The following PRKG1 variants were observed in gnomAD, a reference collection of about 807,000 sequenced individuals.
PRKG1 encodes cGMP-dependent protein kinase 1.
In PRKG1, 35 loss-of-function variants were observed where a neutral mutation model predicts 88.1. The observed-to-expected ratio is 0.40, with a 90% CI of 0.30 to 0.53. The LOEUF is 0.53. Among genes scored for constraint, PRKG1 ranks in the 20% least tolerant of loss-of-function variants. The pLI, the probability that PRKG1 is intolerant of heterozygous loss-of-function variation, is 0.59. For missense variants in PRKG1, 540 were observed against 839.8 expected (o/e 0.64, Z 4.41); for synonymous variants, 303 against 292.5 (o/e 1.04, Z -0.37).
At chr10:52,096,785 T>G (rs12772466) in intron 7 of PRKG1, among the ~76,000 whole-genome samples, 24,059 of 152,106 alleles carry the variant, frequency 0.16, 2,209 homozygotes, top group Non-Finnish European at 0.21. Context: ...TTTACTATAG[T>G]AAAATTAAAG....
chr10:51,164,774 G>A (rs532933147), intron 2 of PRKG1, among the ~76,000 whole-genome samples: 1 of 152,042 alleles, frequency 6.6e-6, no homozygotes, highest in Non-Finnish European at 1.5e-5. Flanking sequence ...GAGCTGACGT[G>A]ATCAACTGGA....
chr10:52,026,281 G>C lies in PRKG1; in HGVS notation c.763-28203G>C, dbSNP rs118100357. On this transcript the variant is annotated intron_variant, in intron 5 of 17. Coordinates refer to ENST00000373980, the MANE Select transcript of PRKG1 (RefSeq NM_006258.4). Reference sequence around the variant, plus strand: ...GAGTAGATTATAATGTTTGATAATTGAGAAATGTGTTGGACTAAACAAAAC... The same window carrying C: ...GAGTAGATTATAATGTTTGATAATTCAGAAATGTGTTGGACTAAACAAAAC... 2.5e-3 allele frequency among the ~76,000 whole-genome samples: 374 copies of C among 152,264 alleles called. 8 individuals carry two copies. The East Asian group carries it at 0.047, about 19-fold the overall frequency.
At chr10:52,196,218 A>T (rs914456231) in intron 9 of PRKG1, among the ~76,000 whole-genome samples, 8 of 151,924 alleles carry the variant, frequency 5.3e-5, no homozygotes, top group Non-Finnish European at 1.0e-4. Context: ...GGGTTTCACC[A>T]TGTTAGCCAG....
intron 3 of PRKG1, among the ~76,000 whole-genome samples, chr10:51,702,477 T>G (rs950262590): frequency 6.6e-6 from 1 of 152,192 alleles, no homozygotes; most frequent in African/African-American, 2.4e-5. Context: ...TTATACTGCT[T>G]TTTTATTCCC....
chr10:52,191,290 C>T (rs1839357172), intron 9 of PRKG1, among the ~76,000 whole-genome samples: 1 of 151,546 alleles, frequency 6.6e-6, no homozygotes, highest in Non-Finnish European at 1.5e-5. Flanking sequence ...GCTGGGAGGG[C>T]AGGAACACAG....
At chr10:51,172,640 G>C (rs1006499327) in intron 2 of PRKG1, among the ~76,000 whole-genome samples, 3 of 92,642 alleles carry the variant, frequency 3.2e-5, no homozygotes, top group African/African-American at 1.5e-4. Context: ...ATGTATGTAT[G>C]TATGTATGTA....
In PRKG1 at chr10:51,371,626, A is replaced by G. The variant is rs917684752; in HGVS notation, c.479-96097A>G. On this transcript the variant is annotated intron_variant, in intron 2 of 17. Transcript: ENST00000373980. ...AGTAACACTCCTATTCCCATCTGCC[A>G]GCAGTGCCACAGAGCATGCTGTTAA... Among the ~76,000 whole-genome samples, 8 of 152,156 alleles carry G rather than the reference A, an allele frequency of 5.3e-5. 1 individual carries two copies. The South Asian group carries it at 1.7e-3, about 31-fold the overall frequency.
chr10:51,501,363 T>C (rs528665047), intron 3 of PRKG1, among the ~76,000 whole-genome samples: 9 of 152,306 alleles, frequency 5.9e-5, no homozygotes, highest in Admixed American at 1.3e-4. Flanking sequence ...GGACTGAATC[T>C]AGATCATAAT....
intron 4 of PRKG1, among the ~76,000 whole-genome samples, chr10:51,830,289 T>C (rs1839971263): frequency 6.6e-6 from 1 of 152,188 alleles, no homozygotes; most frequent in African/African-American, 2.4e-5. Flanking sequence ...GTCTTCAGTA[T>C]GATTTGCATC....
At chr10:51,029,287 C>A (rs569857485) in intron 1 of PRKG1, among the ~76,000 whole-genome samples, 1 of 152,298 alleles carries the variant, frequency 6.6e-6, no homozygotes, top group Non-Finnish European at 1.5e-5. Context: ...ATTCATTTGG[C>A]ATCACAGAAA....
chr10:51,668,434 G>T lies in PRKG1; in HGVS notation c.593-136151G>T, dbSNP rs556157711. 5.9e-5 allele frequency among the ~76,000 whole-genome samples: 9 copies of T among 152,266 alleles called. No individual in the cohort carries two copies. In the East Asian group the frequency reaches 1.7e-3, roughly 29 times the overall value. Reference sequence around the variant, plus strand: ...TTGTTTTGTTTTGTTTTGAGACAGGGTCTTGTTCTGTTGCCCAGGCTGGAA... The same window carrying T: ...TTGTTTTGTTTTGTTTTGAGACAGGTTCTTGTTCTGTTGCCCAGGCTGGAA... On this transcript the variant is annotated intron_variant, in intron 3 of 17. Transcript: ENST00000373980.
chr10:51,755,266 G>A (rs1411804849), intron 3 of PRKG1, among the ~76,000 whole-genome samples: 1 of 152,166 alleles, frequency 6.6e-6, no homozygotes, highest in Non-Finnish European at 1.5e-5. Flanking sequence ...GCTGTCAGGG[G>A]CAAATCAATG....
At chr10:51,546,329 GA>G (rs2132120394) in intron 3 of PRKG1, among the ~76,000 whole-genome samples, 1 of 152,098 alleles carries the variant, frequency 6.6e-6, no homozygotes, top group African/African-American at 2.4e-5. Flanking sequence ...GGTTTAGTCT[GA>G]AAATGGACTA....
chr10:52,130,835 A>G (rs1203971892), intron 7 of PRKG1, among the ~76,000 whole-genome samples: 3 of 152,154 alleles, frequency 2.0e-5, no homozygotes, highest in African/African-American at 7.2e-5. Flanking sequence ...GAAAATCCCC[A>G]CTGTGTTTCT....
At chr10:51,856,980 A>AAG (rs1430291889) in intron 4 of PRKG1, among the ~76,000 whole-genome samples, 4 of 150,894 alleles carry the variant, frequency 2.7e-5, no homozygotes, top group Non-Finnish European at 5.9e-5. Context: ...AAAAAGAAAA[A>AAG]AAAAAAAAGA....
At chr10:51,077,876 A>T (rs915163020) in intron 1 of PRKG1, among the ~76,000 whole-genome samples, 1 of 152,250 alleles carries the variant, frequency 6.6e-6, no homozygotes, top group African/African-American at 2.4e-5. Context: ...TGAGCAAATA[A>T]ACCCTTAAAA....
At chr10:52,068,287 C>T (rs1846409818) in intron 7 of PRKG1, among the ~76,000 whole-genome samples, 1 of 147,274 alleles carries the variant, frequency 6.8e-6, no homozygotes, top group South Asian at 2.2e-4. Flanking sequence ...ATGGCAAATT[C>T]TAAACCGAAT....
intron 7 of PRKG1, among the ~76,000 whole-genome samples, chr10:52,115,976 C>T (rs753386516): frequency 2.0e-5 from 3 of 151,874 alleles, no homozygotes; most frequent in South Asian, 2.1e-4. Context: ...CCAGTAGTCT[C>T]GGAGAGCTCC....
intron 2 of PRKG1, among the ~76,000 whole-genome samples, chr10:51,300,981 C>G (rs572014284): frequency 6.6e-6 from 1 of 152,314 alleles, no homozygotes; most frequent in Non-Finnish European, 1.5e-5. Context: ...ACTGAAGGTC[C>G]CATAACTTTC....
Sources: allele counts gnomAD v4.1 joint callset (sites outside exome capture counted in the v4.1 genomes callset), GRCh38; gene constraint gnomAD v4.1.1; transcripts MANE v1.5; gene names NCBI Gene and HGNC (gene_info 2026-07-23, HGNC 2026-07-21).